The following SYNJ2 variants were observed in gnomAD, a reference collection of about 807,000 sequenced individuals.
SYNJ2 encodes synaptojanin 2, also known as polyphosphatidylinositol phosphatase SYNJ2.
SYNJ2 carries 116 observed loss-of-function variants against 141.3 expected under a neutral mutation model. That is an observed-to-expected ratio of 0.82 (90% CI 0.71 to 0.96). SYNJ2 has a LOEUF of 0.96. Among genes scored for constraint, SYNJ2 ranks in the 40% least tolerant of loss-of-function variants. The probability of loss-of-function intolerance (pLI) is 0.00; values close to 1 mark genes in which losing one functional copy is unlikely to be tolerated. For synonymous variants in SYNJ2, 745 were observed against 777.7 expected (o/e 0.96, Z 0.70); for missense variants, 1,873 against 1,934.8 (o/e 0.97, Z 0.60).
chr6:158,056,875 G>T (rs989385464), intron 6 of SYNJ2, among the ~76,000 whole-genome samples: 3 of 152,144 alleles, frequency 2.0e-5, no homozygotes, highest in Non-Finnish European at 4.4e-5. Context: ...AGCCGAGGCG[G>T]TCTCTTGTCA....
chr6:158,088,655 T>C lies in SYNJ2; in HGVS notation c.3344-5T>C. ...TTGAGACTCTGCCCTCGTTGGTTTT[T>C]ACAGCCGGTTTAATGGTGAAAAAGT... is the stretch of plus-strand genomic sequence containing the variant. On this transcript the variant is annotated splice_region_variant and splice_polypyrimidine_tract_variant and intron_variant, in intron 23 of 26. Coordinates refer to ENST00000355585, the MANE Select transcript of SYNJ2 (RefSeq NM_003898.4). 6.2e-7 allele frequency: 1 copy of C among 1,613,288 alleles called. No individual in the cohort carries two copies. The highest frequency in any genetic ancestry group is 8.5e-7 in the Non-Finnish European group (1 of 1,179,328).
intron 1 of SYNJ2, among the ~76,000 whole-genome samples, chr6:158,007,943 C>A (rs985609011): frequency 6.6e-6 from 1 of 152,204 alleles, no homozygotes; most frequent in Non-Finnish European, 1.5e-5. Flanking sequence ...CTCCCACCAC[C>A]ACGCCTGGCT....
intron 23 of SYNJ2, among the ~76,000 whole-genome samples, chr6:158,087,409 C>G (rs1256765004): frequency 3.3e-5 from 5 of 152,190 alleles, no homozygotes; most frequent in Admixed American, 3.3e-4. Flanking sequence ...CCTGGTCACC[C>G]CTCTGCGCTC....
chr6:158,033,369 C>G (rs1779472221), intron 3 of SYNJ2, 86 bp from the exon 4 acceptor site: 2 of 1,456,188 alleles, frequency 1.4e-6, no homozygotes, highest in African/African-American at 1.4e-5. Flanking sequence ...GTGCGCCCCC[C>G]AGTTCCTCAG....
chr6:158,085,757 G>A (rs145126955), intron 22 of SYNJ2, among the ~76,000 whole-genome samples: 109 of 152,298 alleles, frequency 7.2e-4, no homozygotes, highest in African/African-American at 2.5e-3. Flanking sequence ...GAAGCCTGGC[G>A]TTTCACCAAG....
intron 15 of SYNJ2, among the ~76,000 whole-genome samples, chr6:158,072,127 C>T (rs565403993): frequency 6.6e-6 from 1 of 152,364 alleles, no homozygotes; most frequent in African/African-American, 2.4e-5. Flanking sequence ...GTGGTCTGTC[C>T]TGTCCAAGTG....
At chr6:158,086,816 G>A in intron 22 of SYNJ2, 39 bp from the exon 23 acceptor site, 3 of 1,607,186 alleles carry the variant, frequency 1.9e-6, no homozygotes, top group African/African-American at 1.3e-5. Flanking sequence ...CTCACGTGTG[G>A]AACAGACCAT....
At chr6:157,998,674 C>T (rs959393621) in intron 1 of SYNJ2, among the ~76,000 whole-genome samples, 2 of 152,170 alleles carry the variant, frequency 1.3e-5, no homozygotes, top group Non-Finnish European at 2.9e-5. Flanking sequence ...ATAGGCTATG[C>T]TTTCACAGTG....
intron 20 of SYNJ2, among the ~76,000 whole-genome samples, chr6:158,082,012 T>A (rs1249911961): frequency 6.6e-6 from 1 of 152,170 alleles, no homozygotes; most frequent in Non-Finnish European, 1.5e-5. Context: ...TTCTTCACTC[T>A]GGTTCTAAGG....
chr6:158,088,304 T>C (rs1321434938), intron 23 of SYNJ2, among the ~76,000 whole-genome samples: 1 of 152,054 alleles, frequency 6.6e-6, no homozygotes, highest in Non-Finnish European at 1.5e-5. Context: ...AAATATTTTT[T>C]CCCCACAAAA....
chr6:158,017,782 G>A (rs1273635138), intron 2 of SYNJ2: 1 of 532,472 alleles, frequency 1.9e-6, no homozygotes, highest in East Asian at 5.5e-5. Flanking sequence ...GAACCTGCAG[G>A]TGGGGAGGTC....
rs1783808611 is a variant in SYNJ2 at position 158,096,477 on chromosome 6, A to C, written c.*113A>C. Reference sequence around the variant, plus strand: ...GGCACACTGGCCAAAACGTTTGTGCATCTGTCACTCTCGTGTAGTTTACAA... The same window carrying C: ...GGCACACTGGCCAAAACGTTTGTGCCTCTGTCACTCTCGTGTAGTTTACAA... On this transcript the variant is annotated 3_prime_UTR_variant, in exon 27 of 27. Transcript: ENST00000355585. 2.4e-6 allele frequency: 3 copies of C among 1,257,698 alleles called. No homozygotes were observed. The Admixed American group carries it at 8.0e-5, about 34-fold the overall frequency. 77.9% of individuals were successfully genotyped at this position (1,257,698 alleles called of 1,614,324 possible).
Position 158,068,731 on chromosome 6 carries a change from A to G in SYNJ2, c.1799+3A>G. 2 of 1,613,786 alleles carry G rather than the reference A, an allele frequency of 1.2e-6. No individual in the cohort carries two copies. Among genetic ancestry groups the G allele is most frequent in the Non-Finnish European group, 1.7e-6 (2 of 1,179,990 alleles). ...GCAGGGAATATTGTCAATGCCAGGT[A>G]AGGGGCCAGGTGTGCGGGGCCAGGC... On this transcript the variant is annotated splice_donor_region_variant and intron_variant, in intron 13 of 26. Coordinates refer to ENST00000355585, the MANE Select transcript of SYNJ2 (RefSeq NM_003898.4).
intron 23 of SYNJ2, 57 bp downstream of exon 23, chr6:158,087,046 C>T: frequency 1.3e-6 from 2 of 1,562,428 alleles, no homozygotes; most frequent in East Asian, 2.3e-5. Flanking sequence ...ACCGCGCGTT[C>T]CCTGCTACTG....
intron 5 of SYNJ2, among the ~76,000 whole-genome samples, chr6:158,048,204 G>A (rs1780362389): frequency 6.6e-6 from 1 of 152,114 alleles, no homozygotes; most frequent in Non-Finnish European, 1.5e-5. Flanking sequence ...CGTGTTGGAG[G>A]AAGGGAGAGG....
At chr6:157,988,946 A>G (rs912744952) in intron 1 of SYNJ2, among the ~76,000 whole-genome samples, 3 of 152,140 alleles carry the variant, frequency 2.0e-5, no homozygotes, top group Non-Finnish European at 4.4e-5. Context: ...AGTTCAGGGT[A>G]CTGCTTCTTT....
At chr6:158,046,527 G>A (rs1035250638) in intron 5 of SYNJ2, among the ~76,000 whole-genome samples, 1 of 152,162 alleles carries the variant, frequency 6.6e-6, no homozygotes, top group Non-Finnish European at 1.5e-5. Flanking sequence ...GATGAAAAGT[G>A]CAAAGATTTT....
chr6:158,047,979 A>C (rs1376269014), intron 5 of SYNJ2, among the ~76,000 whole-genome samples: 1 of 152,132 alleles, frequency 6.6e-6, no homozygotes, highest in Non-Finnish European at 1.5e-5. Context: ...GAACAGGGAC[A>C]CCGTGAGATG....
Position 158,081,521 on chromosome 6 carries a change from C to T in SYNJ2, c.2865+11C>T, listed in dbSNP as rs1307775201. ...GTGGACGGTATGAAGGTACGCTGTA[C>T]TTGGCCACACTGTGGAGTGGGGTCT... On this transcript the variant is annotated intron_variant, in intron 20 of 26. Coordinates refer to ENST00000355585, the MANE Select transcript of SYNJ2 (RefSeq NM_003898.4). The T allele has an allele frequency of 6.3e-7, 1 of 1,584,070 alleles. No homozygotes were observed. Among genetic ancestry groups the T allele is most frequent in the East Asian group, 2.4e-5 (1 of 41,746 alleles).
Sources: allele counts gnomAD v4.1 joint callset (sites outside exome capture counted in the v4.1 genomes callset), GRCh38; gene constraint gnomAD v4.1.1; transcripts MANE v1.5; gene names NCBI Gene and HGNC (gene_info 2026-07-23, HGNC 2026-07-21).